ATRN: variants seen among roughly 807,000 people sequenced by gnomAD.
ATRN encodes attractin-2.
Under a neutral mutation model 178.7 loss-of-function variants are expected in ATRN, and 54 were observed. That is an observed-to-expected ratio of 0.30 (90% CI 0.24 to 0.38). The LOEUF (loss-of-function observed/expected upper bound fraction) is 0.38. Among genes scored for constraint, ATRN ranks in the 10% least tolerant of loss-of-function variants. ATRN has a pLI of 1.00. For missense variants in ATRN, 1,443 were observed against 1,815.1 expected (o/e 0.79, Z 3.73); for synonymous variants, 636 against 663.0 (o/e 0.96, Z 0.63).
chr20:3,540,477 A>G (rs2085602650), intron 3 of ATRN, 142 bp downstream of exon 3: 7 of 584,300 alleles, frequency 1.2e-5, no homozygotes, highest in Non-Finnish European at 1.2e-5. Flanking sequence ...CTTCAGTCCC[A>G]TCACTTGTGT....
intron 1 of ATRN, among the ~76,000 whole-genome samples, chr20:3,474,980 C>T (rs1015957260): frequency 2.8e-5 from 4 of 144,198 alleles, no homozygotes; most frequent in East Asian, 2.0e-4. Flanking sequence ...TGCAGAGAGC[C>T]GAGATTGCGC....
At chr20:3,630,916 CTTTTTTTTTTTTTTT>C (rs368394749) in intron 25 of ATRN, among the ~76,000 whole-genome samples, 13 of 43,452 alleles carry the variant, frequency 3.0e-4, no homozygotes, top group African/African-American at 7.9e-4. Flanking sequence ...ATTTATTTAG[CTTTTTTTTTTTTTTT>C]TTTTTTTTTT....
intron 14 of ATRN, 112 bp from the exon 15 acceptor site, chr20:3,578,470 C>T: frequency 1.1e-6 from 1 of 944,264 alleles, no homozygotes; most frequent in Non-Finnish European, 1.5e-6. Flanking sequence ...AATGAAGTAC[C>T]TAGAATTTAA....
intron 1 of ATRN, among the ~76,000 whole-genome samples, chr20:3,479,647 CAG>C (rs1466784702): frequency 6.6e-6 from 1 of 152,180 alleles, no homozygotes; most frequent in Non-Finnish European, 1.5e-5. Context: ...CATAAAACAA[CAG>C]AAATTTATTC....
chr20:3,579,122 T>C (rs1228335382), intron 15 of ATRN, among the ~76,000 whole-genome samples: 1 of 152,140 alleles, frequency 6.6e-6, no homozygotes, highest in African/African-American at 2.4e-5. Context: ...CTAGGTTGGA[T>C]TAAGCCACCT....
intron 25 of ATRN, among the ~76,000 whole-genome samples, chr20:3,628,114 G>A (rs1004109750): frequency 2.0e-5 from 3 of 152,218 alleles, no homozygotes; most frequent in Non-Finnish European, 4.4e-5. Flanking sequence ...AGAGCTTGCT[G>A]TGAGCCGAGA....
chr20:3,473,681 G>A (rs931314837), intron 1 of ATRN, among the ~76,000 whole-genome samples: 2 of 152,188 alleles, frequency 1.3e-5, no homozygotes, highest in Admixed American at 6.5e-5. Context: ...TGAGTCAGAC[G>A]AGGATCCTTC....
chr20:3,627,862 G>A (rs958935639), intron 25 of ATRN, among the ~76,000 whole-genome samples: 1 of 152,160 alleles, frequency 6.6e-6, no homozygotes. Context: ...TAGGCCCCAG[G>A]TGGCTTCATT....
At chr20:3,488,267 A>G (rs574535953) in intron 1 of ATRN, among the ~76,000 whole-genome samples, 2 of 152,096 alleles carry the variant, frequency 1.3e-5, no homozygotes, top group Admixed American at 6.5e-5. Context: ...ATCTTTCCCT[A>G]TTCCAAGATC....
At chr20:3,636,531 TAAAAC>T (rs1387439873) in intron 26 of ATRN, among the ~76,000 whole-genome samples, 2 of 152,240 alleles carry the variant, frequency 1.3e-5, no homozygotes, top group Non-Finnish European at 2.9e-5. Context: ...TCACTCATGA[TAAAAC>T]AAACAAACAC....
chr20:3,543,206 G>A (rs960547891), intron 3 of ATRN, among the ~76,000 whole-genome samples: 1 of 152,194 alleles, frequency 6.6e-6, no homozygotes, highest in Non-Finnish European at 1.5e-5. Context: ...ACACCTGTGT[G>A]GGGAGTATCT....
intron 15 of ATRN, among the ~76,000 whole-genome samples, chr20:3,579,473 G>A (rs2086254486): frequency 6.6e-6 from 1 of 152,082 alleles, no homozygotes; most frequent in South Asian, 2.1e-4. Flanking sequence ...GTGACAGAGC[G>A]ATACTCCGTC....
At chr20:3,575,284 T>TTAA (rs2086192797) in intron 12 of ATRN, among the ~76,000 whole-genome samples, 2 of 152,188 alleles carry the variant, frequency 1.3e-5, no homozygotes, top group African/African-American at 4.8e-5. Flanking sequence ...TTTTCTAGAG[T>TTAA]TAACAGGAGA....
intron 3 of ATRN, 117 bp downstream of exon 3, chr20:3,540,452 G>T: frequency 1.5e-6 from 1 of 661,898 alleles, no homozygotes; most frequent in Non-Finnish European, 2.6e-6. Flanking sequence ...TTATTTAATG[G>T]AAAGAATACT....
rs544614152 is a variant in ATRN at position 3,532,923 on chromosome 20, C to T, written c.411-2330C>T. ...GACTACAGGCGCCCACCACCACGCCCAGCTAATTTTTTGTAATTTTAGTAG... is the reference window on the plus strand; with the variant it reads ...GACTACAGGCGCCCACCACCACGCCTAGCTAATTTTTTGTAATTTTAGTAG... On this transcript the variant is annotated intron_variant, in intron 1 of 28. Transcript: ENST00000262919. Among the ~76,000 whole-genome samples the T allele has an allele frequency of 3.4e-3, 519 of 152,278 alleles. 3 individuals carry two copies. The highest frequency in any genetic ancestry group is 0.012 in the African/African-American group (478 of 41,554).
At chr20:3,512,170 A>G (rs2085142842) in intron 1 of ATRN, among the ~76,000 whole-genome samples, 1 of 147,244 alleles carries the variant, frequency 6.8e-6, no homozygotes, top group Admixed American at 6.8e-5. Context: ...GGTTTGTTAC[A>G]TACGTATACA....
chr20:3,638,651 T>A lies in ATRN; in HGVS notation c.3943-177T>A, dbSNP rs550395494. 2.0e-5 allele frequency among the ~76,000 whole-genome samples: 3 copies of A among 152,344 alleles called. No individual in the cohort carries two copies. In the South Asian group the frequency reaches 6.2e-4, roughly 32 times the overall value. ...AAAAAATATAAGGACAATGGTGTTA[T>A]CACATCCAACAAAATTTAGTAATCC... On this transcript the variant is annotated intron_variant, in intron 26 of 28. Transcript: ENST00000262919. This position sits in a 1 kb window ranked among gnomAD's most constrained non-coding sequence, Gnocchi z 4.5.
intron 1 of ATRN, among the ~76,000 whole-genome samples, chr20:3,483,325 T>A (rs567520532): frequency 1.3e-5 from 2 of 152,202 alleles, no homozygotes. Flanking sequence ...TTCCAACTTT[T>A]GCTGTTACAA....
intron 11 of ATRN, among the ~76,000 whole-genome samples, chr20:3,566,057 T>A (rs941634464): frequency 6.6e-6 from 1 of 152,190 alleles, no homozygotes; most frequent in African/African-American, 2.4e-5. Context: ...CATGTCATTG[T>A]CTTATGTCCT....
Sources: allele counts gnomAD v4.1 joint callset (sites outside exome capture counted in the v4.1 genomes callset), GRCh38; gene constraint gnomAD v4.1.1; non-coding constraint Gnocchi (gnomAD v3.1); transcripts MANE v1.5; gene names NCBI Gene and HGNC (gene_info 2026-07-23, HGNC 2026-07-21).